The following ECE1 variants were observed in gnomAD, a reference collection of about 807,000 sequenced individuals.
ECE1 encodes endothelin-converting enzyme 1.
A neutral mutation model predicts 98.6 loss-of-function variants in ECE1; 35 were observed. The ratio of observed to expected loss-of-function variants is 0.35; its 90% confidence interval spans 0.27 to 0.47. The LOEUF is 0.47. Ranked by LOEUF, ECE1 falls within the 20% of genes least tolerant of loss-of-function variation. ECE1 has a pLI of 1.00. For missense variants in ECE1, 814 were observed against 1,025.3 expected (o/e 0.79, Z 2.81); for synonymous variants, 394 against 407.1 (o/e 0.97, Z 0.39).
intron 1 of ECE1, among the ~76,000 whole-genome samples, chr1:21,295,829 C>T (rs911478207): frequency 4.6e-5 from 7 of 152,346 alleles, no homozygotes; most frequent in African/African-American, 1.7e-4. Flanking sequence ...TTAAGACAGA[C>T]CTGAGCCCAC....
chr1:21,273,727 C>T lies in ECE1; in HGVS notation c.281-816G>A, dbSNP rs1368682943. 6.6e-5 allele frequency among the ~76,000 whole-genome samples: 10 copies of T among 152,284 alleles called. No homozygotes were observed. In the East Asian group the frequency reaches 1.5e-3, roughly 24 times the overall value. The stretch of plus-strand genomic sequence containing the variant: ...CCTGTAATCCCAGCACTTTGGGAGG[C>T]CGACTTAATCACAGCTACTTGGGAG... On this transcript the variant is annotated intron_variant, in intron 3 of 18. Coordinates refer to ENST00000374893, the MANE Select transcript of ECE1 (RefSeq NM_001397.3).
At chr1:21,272,370 C>T (rs1311992031) in intron 4 of ECE1, among the ~76,000 whole-genome samples, 2 of 152,210 alleles carry the variant, frequency 1.3e-5, no homozygotes, top group Admixed American at 1.3e-4. Flanking sequence ...CGGCTCACTG[C>T]AACCTCTGCC....
chr1:21,335,608 G>A (rs1304897043), intron 1 of ECE1, among the ~76,000 whole-genome samples: 2 of 152,218 alleles, frequency 1.3e-5, no homozygotes, highest in African/African-American at 4.8e-5. Context: ...GGCCTACTCT[G>A]GAGGGCTCTC....
chr1:21,218,736 A>G lies in ECE1; in HGVS notation c.*1219T>C, dbSNP rs1311615064. On this transcript the variant is annotated 3_prime_UTR_variant, in exon 19 of 19. Coordinates refer to ENST00000374893, the MANE Select transcript of ECE1 (RefSeq NM_001397.3). This position sits in a 1 kb window ranked among gnomAD's most constrained non-coding sequence, Gnocchi z 4.0. ...CGAGTAACTGGGATTACAGGTGCCC[A>G]CCACCACTCCCGGCTAATTTTTGTA... The G allele has an allele frequency of 6.6e-6, 1 of 152,034 alleles. No homozygotes were observed. Among genetic ancestry groups the G allele is most frequent in the Non-Finnish European group, 1.5e-5 (1 of 68,050 alleles). The allele number at this position is 152,034 out of a possible 1,614,324, so 9.4% of individuals were successfully genotyped here.
In ECE1 at chr1:21,290,366, C is replaced by T; in HGVS notation, c.49G>A (p.Gly17Arg). The change falls in exon 1 of 19, where the codon GGG (glycine) becomes AGG (arginine). Residue 17 changes from glycine (G) to arginine (R), a missense_variant and splice_region_variant. Gly to Arg is a moderately radical substitution (Grantham distance 125). Coordinates refer to ENST00000374893, the MANE Select transcript of ECE1 (RefSeq NM_001397.3). The surrounding 1 kb of genome is among the most constrained non-coding windows in gnomAD (Gnocchi z 7.3). Reference protein sequence around the residue: ...PPVSALLSALGMSTYKRATLD... With the variant: ...PPVSALLSALRMSTYKRATLD... ...CCTCCAGGCCGCGCCCGCCTCACCC[C>T]CAGCGCCGACAGCAGGGCGGACACC... The T allele has an allele frequency of 8.1e-7, 1 of 1,235,616 alleles. No individual in the cohort carries two copies. The highest frequency in any genetic ancestry group is 3.8e-5 in the South Asian group (1 of 26,190). 76.5% of individuals were successfully genotyped at this position (1,235,616 alleles called of 1,614,324 possible). A position where few individuals can be genotyped will look rare whatever the true frequency, so the allele number is the denominator to read the frequency against.
At chr1:21,224,905 T>A (rs1425718884) in intron 17 of ECE1, among the ~76,000 whole-genome samples, 6 of 152,310 alleles carry the variant, frequency 3.9e-5, no homozygotes, top group Non-Finnish European at 7.3e-5. Flanking sequence ...GGCTGCTTAG[T>A]CCTCAGGGGC....
intron 1 of ECE1, among the ~76,000 whole-genome samples, chr1:21,313,049 C>G (rs1034153550): frequency 2.6e-5 from 4 of 152,148 alleles, no homozygotes; most frequent in African/African-American, 7.2e-5. Flanking sequence ...AGTGACAGGG[C>G]AGGACTGGAC....
At position 21,233,833 on chromosome 1, in the gene ECE1, G is replaced by A. The variant is rs1479988387; in HGVS notation, c.1567-172C>T. The stretch of plus-strand genomic sequence containing the variant: ...TCTCTTGGCCTTCACCCTGGGGCAC[G>A]AGATGGAATGACACCGTTGCAGGAT... On this transcript the variant is annotated intron_variant, in intron 13 of 18. Coordinates refer to ENST00000374893, the MANE Select transcript of ECE1 (RefSeq NM_001397.3). The surrounding 1 kb of genome is among the most constrained non-coding windows in gnomAD (Gnocchi z 4.0). Among the ~76,000 whole-genome samples, 2 of 152,096 alleles carry A rather than the reference G, an allele frequency of 1.3e-5. No homozygotes were observed. Among genetic ancestry groups the A allele is most frequent in the Non-Finnish European group, 2.9e-5 (2 of 68,010 alleles).
At chr1:21,246,498 C>CAAA (rs368916726) in intron 9 of ECE1, among the ~76,000 whole-genome samples, 1,082 of 96,360 alleles carry the variant, frequency 0.011, 5 homozygotes, top group South Asian at 0.016. Context: ...GACTCCATCT[C>CAAA]AAAAAAAAAA....
In ECE1 at chr1:21,227,058, A is replaced by G. The variant is rs2098175251; in HGVS notation, c.1849+101T>C. The G allele has an allele frequency of 5.1e-6, 6 of 1,178,842 alleles. No individual in the cohort carries two copies. In the South Asian group the frequency reaches 6.2e-5, roughly 12 times the overall value. The allele number at this position is 1,178,842 out of a possible 1,614,324, so 73.0% of individuals were successfully genotyped here. On this transcript the variant is annotated intron_variant, in intron 16 of 18. Coordinates refer to ENST00000374893, the MANE Select transcript of ECE1 (RefSeq NM_001397.3). Reference sequence around the variant, plus strand: ...TTTTAGTAGAGATGGAGGTCTTGCTATGTTGCCCAGGCTGGTCTCAAACTC... The same window carrying G: ...TTTTAGTAGAGATGGAGGTCTTGCTGTGTTGCCCAGGCTGGTCTCAAACTC...
intron 4 of ECE1, among the ~76,000 whole-genome samples, chr1:21,269,052 G>T (rs1290479207): frequency 1.3e-4 from 20 of 152,226 alleles, no homozygotes; most frequent in Admixed American, 1.3e-3. Flanking sequence ...GGCCTGGGCT[G>T]AGAACTCTGT....
chr1:21,308,492 A>G (rs1205526757), intron 1 of ECE1, among the ~76,000 whole-genome samples: 1 of 152,090 alleles, frequency 6.6e-6, no homozygotes, highest in African/African-American at 2.4e-5. Flanking sequence ...GGGAGGGGCC[A>G]GGAGGCCTGA....
chr1:21,290,083 G>T lies in ECE1; in HGVS notation c.125C>A (p.Pro42His). Residue 42 changes from proline to histidine, a missense_variant, in exon 2 of 19, where the codon CCC (proline) becomes CAC (histidine). Around this residue, in one of 3 missense-constraint regions of ECE1, gnomAD observed 257 missense variants for 278.9 expected, o/e 0.92. Coordinates refer to ENST00000374893, the MANE Select transcript of ECE1 (RefSeq NM_001397.3). This position sits in a 1 kb window ranked among gnomAD's most constrained non-coding sequence, Gnocchi z 7.3. ...VDSLSEGDAY[P>H]NGLQVNFHSP... ...GAGGGCGCCTACCTGCAGGCCGTTG[G>T]GGTATGCGTCGCCCTCGGAGAGCGA... The T allele has an allele frequency of 6.5e-7, 1 of 1,537,852 alleles. No individual in the cohort carries two copies. The highest frequency in any genetic ancestry group is 8.8e-7 in the Non-Finnish European group (1 of 1,142,170).
At chr1:21,247,100 C>T (rs1321295881) in intron 9 of ECE1, 121 bp downstream of exon 9, 26 of 1,415,272 alleles carry the variant, frequency 1.8e-5, no homozygotes, top group African/African-American at 4.2e-5. Context: ...TGCTGCCTCT[C>T]GTAAAAGCCC....
chr1:21,344,573 C>CG (rs35932761), intron 1 of ECE1, among the ~76,000 whole-genome samples: 2 of 141,840 alleles, frequency 1.4e-5, no homozygotes, highest in African/African-American at 5.9e-5. Context: ...CTCCCAACAG[C>CG]CCCCCCCCAG....
At chr1:21,275,953 C>A (rs2098245975) in intron 3 of ECE1, among the ~76,000 whole-genome samples, 2 of 151,826 alleles carry the variant, frequency 1.3e-5, no homozygotes, top group African/African-American at 4.8e-5. Context: ...TCAGGGCAGG[C>A]CAATATCCTA....
At chr1:21,253,322 G>T (rs2098215177) in intron 8 of ECE1, among the ~76,000 whole-genome samples, 1 of 151,910 alleles carries the variant, frequency 6.6e-6, no homozygotes, top group South Asian at 2.1e-4. Flanking sequence ...CTCCCAAAGT[G>T]CTGGAATTAC....
rs756193202 is a variant in ECE1 at position 21,227,972 on chromosome 1, G to A, written c.1740C>T (p.Ala580=). The A allele has an allele frequency of 1.5e-5, 23 of 1,560,038 alleles. No homozygotes were observed. The highest frequency in any genetic ancestry group is 2.7e-5 in the African/African-American group (2 of 73,426). The change falls in exon 15 of 19, where the codon GCC becomes GCT. Residue 580 remains alanine (A), a synonymous_variant. Transcript: ENST00000374893. ...TGTAGAATGGTGCCTGCAGGATCCC[G>A]GCCGGAAACACAATCTCATTCTTGG... The part of the protein sequence containing the change: ...SPTKNEIVFP[A]GILQAPFYTR...
rs985939788 is a variant in ECE1, at chr1:21,220,658, G to A, written c.2137-527C>T. Among the ~76,000 whole-genome samples, 2 of 152,062 alleles carry A rather than the reference G, an allele frequency of 1.3e-5. No individual in the cohort carries two copies. The highest frequency in any genetic ancestry group is 2.9e-5 in the Non-Finnish European group (2 of 68,016). On this transcript the variant is annotated intron_variant, in intron 18 of 18. Transcript: ENST00000374893. The surrounding 1 kb of genome is among the most constrained non-coding windows in gnomAD (Gnocchi z 5.0). The stretch of plus-strand genomic sequence containing the variant: ...CTAAAAATACAAAAATTAGATGGGC[G>A]TGGTGGTGCGTGCCTATATCCCAGC...
Sources: gnomAD v4.1 joint callset for allele counts (sites outside exome capture counted in the v4.1 genomes callset) on GRCh38, gnomAD v4.1.1 for gene constraint, gnomAD v4.1.1 regional missense constraint, Gnocchi (gnomAD v3.1) non-coding constraint, MANE v1.5 for transcripts, NCBI Gene and HGNC (gene_info 2026-07-23, HGNC 2026-07-21) for gene names.